The following TUSC3 variants were observed in gnomAD, a reference collection of about 807,000 sequenced individuals.
TUSC3 encodes the protein tumor suppressor candidate 3.
TUSC3 carries 45 observed loss-of-function variants against 44.8 expected under a neutral mutation model. The ratio of observed to expected loss-of-function variants is 1.00; its 90% CI spans 0.79 to 1.29. TUSC3 has a LOEUF of 1.29. Among genes scored for constraint, TUSC3 ranks in the 50% most tolerant of loss-of-function variants. The probability of loss-of-function intolerance (pLI) is 0.00; values close to 1 mark genes in which losing one functional copy is unlikely to be tolerated. For missense variants in TUSC3, 519 were observed against 437.9 expected (o/e 1.19, Z -1.65); for synonymous variants, 212 against 152.9 (o/e 1.39, Z -2.85).
chr8:15,520,738 C>T (rs1454552767), intron 2 of TUSC3, among the ~76,000 whole-genome samples: 3 of 152,140 alleles, frequency 2.0e-5, no homozygotes, highest in African/African-American at 7.2e-5. Context: ...TTGTTATTGC[C>T]TTTACCCACA....
intron 7 of TUSC3, chr8:15,733,460 A>T: frequency 2.7e-6 from 1 of 369,998 alleles, no homozygotes; most frequent in South Asian, 2.1e-5. Context: ...ACCGAGCTGA[A>T]GGATGAAAAG....
chr8:15,743,320 A>C (rs143969808), intron 7 of TUSC3: 188 of 554,726 alleles, frequency 3.4e-4, no homozygotes, highest in African/African-American at 3.3e-3. Context: ...TTAGCCTCTC[A>C]ATATATCACA....
At chr8:15,503,585 C>G (rs540676156) in intron 2 of TUSC3, among the ~76,000 whole-genome samples, 1 of 151,998 alleles carries the variant, frequency 6.6e-6, no homozygotes, top group Non-Finnish European at 1.5e-5. Context: ...ACACCTGTAG[C>G]CCCAGCTACT....
rs559065939 is a variant in TUSC3, at chr8:15,550,495, C to T, written c.138+9927C>T. On this transcript the variant is annotated intron_variant, in intron 1 of 10. Transcript: ENST00000503731. ...GCTGGGACTAAAAACAAGGTTTCCT[C>T]ATACCAGAGTTTGTGTTATTGTATT... is the stretch of plus-strand genomic sequence containing the variant. Among the ~76,000 whole-genome samples the T allele has an allele frequency of 7.9e-5, 12 of 151,746 alleles. No homozygotes were observed. The South Asian group carries it at 2.3e-3, about 29-fold the overall frequency.
rs554500927 is a variant in TUSC3 at position 15,610,588 on chromosome 8, T to C, written c.139-12492T>C. 2.0e-5 allele frequency among the ~76,000 whole-genome samples: 3 copies of C among 152,324 alleles called. No individual in the cohort carries two copies. The East Asian group carries it at 5.8e-4, about 29-fold the overall frequency. ...TGATTTTATATATAAGTGAGATACA[T>C]ATGCAAGTTTCGGAAACAGTTGTTA... is the stretch of plus-strand genomic sequence containing the variant. On this transcript the variant is annotated intron_variant, in intron 1 of 10. Coordinates refer to ENST00000503731, the MANE Select transcript of TUSC3 (RefSeq NM_006765.4).
chr8:15,687,445 A>T lies in TUSC3; in HGVS notation c.798+13609A>T, dbSNP rs111547622. Among the ~76,000 whole-genome samples the T allele has an allele frequency of 1.5e-3, 232 of 152,312 alleles. 1 individual carries two copies. Among genetic ancestry groups the T allele is most frequent in the Non-Finnish European group, 2.6e-3 (179 of 68,028 alleles). ...TCTGATGTCTTTCAAACTCTGCCTTAATCTTTATATTCCTTTTTATTTTTT... is the reference window on the plus strand; with the variant it reads ...TCTGATGTCTTTCAAACTCTGCCTTTATCTTTATATTCCTTTTTATTTTTT... On this transcript the variant is annotated intron_variant, in intron 6 of 10. Transcript: ENST00000503731.
intron 1 of TUSC3, among the ~76,000 whole-genome samples, chr8:15,555,879 T>C (rs1318566892): frequency 6.6e-6 from 1 of 151,648 alleles, no homozygotes; most frequent in Non-Finnish European, 1.5e-5. Flanking sequence ...TAAGCCAATG[T>C]TGATTTATAA....
chr8:15,777,309 A>G, the TUSC3 span, among the ~76,000 whole-genome samples: 1 of 152,136 alleles, frequency 6.6e-6, no homozygotes, highest in Non-Finnish European at 1.5e-5. Flanking sequence ...GCTGTTCCCA[A>G]AGCTGAAGGA....
intron 6 of TUSC3, among the ~76,000 whole-genome samples, chr8:15,719,822 A>T (rs760490140): frequency 6.6e-5 from 10 of 152,154 alleles, no homozygotes; most frequent in African/African-American, 9.7e-5. Context: ...AATTCTACAC[A>T]GAATTCAAGC....
downstream of TUSC3, among the ~76,000 whole-genome samples, chr8:15,767,480 TTA>T (rs1812363778): frequency 6.7e-6 from 1 of 150,148 alleles, no homozygotes. Flanking sequence ...GAAATTTGTT[TTA>T]AAAAAAAAAG....
At chr8:15,738,827 C>CTTTTTTTTTCTTTCTTTTTTT (rs1554484836) in intron 7 of TUSC3, among the ~76,000 whole-genome samples, 1 of 87,172 alleles carries the variant, frequency 1.1e-5, no homozygotes, top group Non-Finnish European at 2.1e-5. Context: ...ATATATCTTG[C>CTTTTTTTTTCTTTCTTTTTTT]TTTTTTTTTT....
the TUSC3 span, among the ~76,000 whole-genome samples, chr8:15,812,921 C>T: frequency 6.6e-6 from 1 of 151,988 alleles, no homozygotes; most frequent in African/African-American, 2.4e-5. Context: ...TGGCGAAACC[C>T]CATCTCTACT....
At chr8:15,847,546 C>A in the TUSC3 span, among the ~76,000 whole-genome samples, 1 of 152,126 alleles carries the variant, frequency 6.6e-6, no homozygotes, top group Non-Finnish European at 1.5e-5. Context: ...ACATCATTTT[C>A]TCTGCCCCCC....
chr8:15,485,512 G>C (rs1269465955), intron 2 of TUSC3, among the ~76,000 whole-genome samples: 1 of 147,682 alleles, frequency 6.8e-6, no homozygotes, highest in East Asian at 2.0e-4. Flanking sequence ...ACCCAGGCTG[G>C]AGTGCAGGGC....
chr8:15,490,797 C>G (rs903500), intron 2 of TUSC3, among the ~76,000 whole-genome samples: 32,366 of 152,160 alleles, frequency 0.21, 3,986 homozygotes, highest in East Asian at 0.4. Context: ...AGATATTTTT[C>G]TCATAACTTC....
At chr8:15,460,499 C>A (rs2129121804) in intron 1 of TUSC3, among the ~76,000 whole-genome samples, 1 of 152,252 alleles carries the variant, frequency 6.6e-6, no homozygotes, top group South Asian at 2.1e-4. Flanking sequence ...GTCTACTCTG[C>A]TGACTGTTCC....
intron 2 of TUSC3, among the ~76,000 whole-genome samples, chr8:15,523,692 G>GTATATATATATATATATA (rs1366898185): frequency 6.2e-5 from 3 of 48,434 alleles, no homozygotes; most frequent in African/African-American, 8.7e-5. Flanking sequence ...GTGTGTGTGT[G>GTATATATATATATATATA]TGTGTGTGTG....
chr8:15,673,910 G>A, intron 6 of TUSC3, 74 bp downstream of exon 6: 28 of 1,265,196 alleles, frequency 2.2e-5, no homozygotes, highest in Non-Finnish European at 3.1e-5. Context: ...ATTATGTTTA[G>A]TATTTAGTAG....
chr8:15,556,491 C>T (rs1337721035), intron 1 of TUSC3, among the ~76,000 whole-genome samples: 3 of 151,274 alleles, frequency 2.0e-5, no homozygotes, highest in Non-Finnish European at 4.4e-5. Flanking sequence ...TATAGCAATA[C>T]GATTTATAGT....
Sources: allele counts gnomAD v4.1 joint callset (sites outside exome capture counted in the v4.1 genomes callset), GRCh38; gene constraint gnomAD v4.1.1; transcripts MANE v1.5; gene names NCBI Gene and HGNC (gene_info 2026-07-23, HGNC 2026-07-21).